SYTL5: variants seen among roughly 807,000 people sequenced by gnomAD.
SYTL5 encodes synaptotagmin like 5.
In SYTL5, 34 loss-of-function variants were observed where a neutral mutation model predicts 55.9. The observed-to-expected ratio is 0.61, with a 90% CI of 0.46 to 0.81. The LOEUF is 0.81. SYTL5 is among the 30% of genes least tolerant of loss of function. The probability of loss-of-function intolerance (pLI) is 0.00; values close to 1 mark genes in which losing one functional copy is unlikely to be tolerated. For synonymous variants in SYTL5, 221 were observed against 188.7 expected, an observed-to-expected ratio of 1.17 and a Z score of -1.40; for missense variants, 637 against 546.7, an observed-to-expected ratio of 1.17 and a Z score of -1.65.
At chrX:37,958,001 G>T in the SYTL5 span, among the ~76,000 whole-genome samples, 1 of 111,650 alleles carries the variant, frequency 9.0e-6, no homozygotes, top group East Asian at 2.8e-4. Flanking sequence ...TTGAGGTCAG[G>T]AGATCGAGAC....
At chrX:37,981,481 G>A in the SYTL5 span, among the ~76,000 whole-genome samples, 1 of 110,400 alleles carries the variant, frequency 9.1e-6, no homozygotes, top group Non-Finnish European at 1.9e-5. Context: ...TTTTTTTGTG[G>A]AGATGGGGTT....
chrX:38,115,192 T>G (rs1338727685), intron 13 of SYTL5, among the ~76,000 whole-genome samples: 1 of 110,310 alleles, frequency 9.1e-6, no homozygotes, highest in Non-Finnish European at 1.9e-5. Flanking sequence ...CTCTTTAAGA[T>G]ACTTATTTCA....
At chrX:38,024,431 A>G (rs1244156801) in intron 1 of SYTL5, among the ~76,000 whole-genome samples, 3 of 111,096 alleles carry the variant, frequency 2.7e-5, no homozygotes, top group Non-Finnish European at 5.7e-5. Flanking sequence ...TTTTTTTTTA[A>G]ATAAATTACC....
At chrX:37,913,636 AAAGGCCC>A in the SYTL5 span, among the ~76,000 whole-genome samples, 1 of 112,342 alleles carries the variant, frequency 8.9e-6, no homozygotes, top group Admixed American at 9.4e-5. Flanking sequence ...TGAGGGAGTT[AAAGGCCC>A]AAGAGCCAAC....
chrX:38,009,267 TC>T (rs1480330997), intron 1 of SYTL5, among the ~76,000 whole-genome samples: 2 of 112,171 alleles, frequency 1.8e-5, no homozygotes, highest in African/African-American at 3.2e-5. Context: ...GTTTTAAATA[TC>T]ACCTCTAAGT....
At chrX:38,042,649 G>GC (rs1774331798) in intron 2 of SYTL5, among the ~76,000 whole-genome samples, 1 of 110,777 alleles carries the variant, frequency 9.0e-6, no homozygotes, top group South Asian at 3.8e-4. Context: ...GGGTTAGTTG[G>GC]CACTCACATC....
At chrX:38,073,739 C>A in intron 5 of SYTL5, 41 bp downstream of exon 5, 1 of 944,520 alleles carries the variant, frequency 1.1e-6, no homozygotes, top group South Asian at 2.4e-5. Context: ...GATCTTTATT[C>A]CAGACACCTC....
chrX:38,003,029 T>C (rs754742592), upstream of SYTL5, among the ~76,000 whole-genome samples: 1 of 112,029 alleles, frequency 8.9e-6, no homozygotes. Flanking sequence ...TAATCCATCT[T>C]GAATTAATTT....
At chrX:37,899,966 G>A in the SYTL5 span, among the ~76,000 whole-genome samples, 1 of 112,009 alleles carries the variant, frequency 8.9e-6, no homozygotes, top group Non-Finnish European at 1.9e-5. Flanking sequence ...GCAAATATAG[G>A]TAAATATGTA....
At chrX:37,945,011 C>T in the SYTL5 span, among the ~76,000 whole-genome samples, 3 of 112,887 alleles carry the variant, frequency 2.7e-5, no homozygotes, top group African/African-American at 9.6e-5. Context: ...AAAGCTTTTG[C>T]ATTCTGCAAC....
chrX:37,973,977 A>G, the SYTL5 span, among the ~76,000 whole-genome samples: 1 of 111,765 alleles, frequency 8.9e-6, no homozygotes, highest in Non-Finnish European at 1.9e-5. Context: ...GAATAATTTC[A>G]CTTATATGTA....
rs1414943906 is a variant in SYTL5 at position 38,016,786 on chromosome X, C to T, written c.-357+10118C>T. Among the ~76,000 whole-genome samples the T allele has an allele frequency of 7.1e-5, 8 of 112,030 alleles. No homozygotes were observed. In the Admixed American group the frequency reaches 7.5e-4, roughly 11 times the overall value. On this transcript the variant is annotated intron_variant, in intron 1 of 16. Transcript: ENST00000297875. ...AGCTACTTACATTAAGGTGTTTGTTCAGAACATTGAACTTTCAAGAGCTGT... is the reference window on the plus strand; with the variant it reads ...AGCTACTTACATTAAGGTGTTTGTTTAGAACATTGAACTTTCAAGAGCTGT...
intron 6 of SYTL5, among the ~76,000 whole-genome samples, chrX:38,080,096 C>T (rs1324839477): frequency 9.0e-6 from 1 of 111,081 alleles, no homozygotes; most frequent in East Asian, 2.8e-4. Context: ...ATTTCTAGGC[C>T]TCCAGCTCCA....
At chrX:38,118,325 T>C (rs1248409885) in intron 13 of SYTL5, among the ~76,000 whole-genome samples, 2 of 111,841 alleles carry the variant, frequency 1.8e-5, no homozygotes, top group Admixed American at 1.9e-4. Context: ...TTTGTAACAG[T>C]CTCAGTATTT....
chrX:37,996,604 T>C, the SYTL5 span, among the ~76,000 whole-genome samples: 3 of 112,517 alleles, frequency 2.7e-5, no homozygotes, highest in South Asian at 1.1e-3. Context: ...TGTGTGAAGA[T>C]AGACAAGCCC....
intron 15 of SYTL5, among the ~76,000 whole-genome samples, chrX:38,124,881 G>A (rs2064801): frequency 0.3 from 33,080 of 110,444 alleles, 5,169 homozygotes; most frequent in African/African-American, 0.59. Context: ...CATAAGCTGA[G>A]CCAGCTAACA....
chrX:38,012,529 C>G (rs1934221240), intron 1 of SYTL5, among the ~76,000 whole-genome samples: 1 of 111,721 alleles, frequency 9.0e-6, no homozygotes, highest in Admixed American at 9.5e-5. Context: ...CAAATATAAA[C>G]TTTAAATCCA....
At chrX:37,952,815 A>C in the SYTL5 span, among the ~76,000 whole-genome samples, 1 of 111,438 alleles carries the variant, frequency 9.0e-6, no homozygotes, top group Non-Finnish European at 1.9e-5. Flanking sequence ...CATTGTTATA[A>C]CATGGAGGAC....
intron 2 of SYTL5, among the ~76,000 whole-genome samples, chrX:38,040,704 A>G (rs1346057149): frequency 8.9e-6 from 1 of 111,878 alleles, no homozygotes; most frequent in African/African-American, 3.3e-5. Context: ...TATATGTACC[A>G]CGTTTTGTTT....
Sources: allele counts gnomAD v4.1 joint callset (sites outside exome capture counted in the v4.1 genomes callset), GRCh38; gene constraint gnomAD v4.1.1; transcripts MANE v1.5; gene names NCBI Gene and HGNC (gene_info 2026-07-23, HGNC 2026-07-21).